LRP1B: variants seen among roughly 807,000 people sequenced by gnomAD.
LRP1B encodes the protein LDL receptor related protein 1B, also known as low-density lipoprotein receptor-related protein 1B.
LRP1B carries 217 observed loss-of-function variants against 556.6 expected under a neutral mutation model. The observed-to-expected ratio is 0.39, with a 90% CI of 0.35 to 0.44. The LOEUF is 0.44. Among genes scored for constraint, LRP1B ranks in the 20% least tolerant of loss-of-function variants. The pLI is 1.00. For synonymous variants in LRP1B, 2,047 were observed against 1,865.8 expected, an observed-to-expected ratio of 1.10 and a Z score of -2.50; for missense variants, 5,053 against 5,620.8, an observed-to-expected ratio of 0.90 and a Z score of 3.23.
chr2:140,336,437 C>G (rs1425788369), intron 77 of LRP1B, among the ~76,000 whole-genome samples: 1 of 149,640 alleles, frequency 6.7e-6, no homozygotes, highest in East Asian at 2.0e-4. Context: ...GGGTATTTAC[C>G]AAGGAATAGA....
chr2:140,638,736 T>C (rs192081894), intron 41 of LRP1B, among the ~76,000 whole-genome samples: 1 of 152,166 alleles, frequency 6.6e-6, no homozygotes, highest in East Asian at 1.9e-4. Flanking sequence ...AATGATTTTA[T>C]ATGTATTTGC....
At chr2:140,667,310 G>A (rs552301357) in intron 41 of LRP1B, among the ~76,000 whole-genome samples, 1 of 152,274 alleles carries the variant, frequency 6.6e-6, no homozygotes, top group African/African-American at 2.4e-5. Flanking sequence ...CCTTTGCCTT[G>A]ATACCACCCG....
chr2:141,816,849 A>G (rs1696571706), intron 1 of LRP1B, among the ~76,000 whole-genome samples: 2 of 152,052 alleles, frequency 1.3e-5, no homozygotes, highest in South Asian at 4.1e-4. Context: ...AGCCTATGTT[A>G]TCAGCTCGCT....
intron 66 of LRP1B, among the ~76,000 whole-genome samples, chr2:140,430,468 G>A (rs1685875634): frequency 1.3e-5 from 2 of 152,102 alleles, no homozygotes; most frequent in Admixed American, 6.5e-5. Flanking sequence ...CACTGCAAAG[G>A]CCATCAAAAG....
At chr2:140,936,064 G>T (rs1695195319) in intron 20 of LRP1B, among the ~76,000 whole-genome samples, 1 of 151,568 alleles carries the variant, frequency 6.6e-6, no homozygotes, top group Non-Finnish European at 1.5e-5. Flanking sequence ...ACTTGCCTGG[G>T]CATGGTGGCT....
intron 7 of LRP1B, among the ~76,000 whole-genome samples, chr2:141,184,117 C>A (rs1476349342): frequency 6.6e-6 from 1 of 152,022 alleles, no homozygotes; most frequent in Non-Finnish European, 1.5e-5. Context: ...GATATTGAAG[C>A]AGTGTCATGT....
intron 3 of LRP1B, among the ~76,000 whole-genome samples, chr2:141,293,625 C>CTTTTT (rs376533625): frequency 2.9e-5 from 4 of 137,306 alleles, no homozygotes; most frequent in African/African-American, 8.0e-5. Flanking sequence ...TCACTACATT[C>CTTTTT]TTTTTTTTTT....
intron 1 of LRP1B, among the ~76,000 whole-genome samples, chr2:142,066,194 C>T (rs548819138): frequency 2.0e-5 from 3 of 151,640 alleles, no homozygotes; most frequent in South Asian, 4.1e-4. Context: ...TTCTCTAGAC[C>T]ATGCTTTCCT....
chr2:141,546,713 T>C (rs1026584968), intron 2 of LRP1B, among the ~76,000 whole-genome samples: 20 of 152,204 alleles, frequency 1.3e-4, no homozygotes, highest in African/African-American at 4.6e-4. Context: ...CATTGAGGCC[T>C]GCAGCACAAA....
intron 11 of LRP1B, among the ~76,000 whole-genome samples, chr2:141,048,132 G>A (rs145807268): frequency 6.6e-6 from 1 of 152,174 alleles, no homozygotes; most frequent in Non-Finnish European, 1.5e-5. Context: ...TATAGCTATC[G>A]TGATGTCCTT....
At chr2:141,510,392 A>G (rs563520151) in intron 2 of LRP1B, among the ~76,000 whole-genome samples, 38 of 152,256 alleles carry the variant, frequency 2.5e-4, no homozygotes, top group Middle Eastern at 3.4e-3. Context: ...CCATTTGAGC[A>G]TTTATATCTT....
At chr2:141,740,187 A>T (rs978998184) in intron 2 of LRP1B, among the ~76,000 whole-genome samples, 1 of 152,112 alleles carries the variant, frequency 6.6e-6, no homozygotes, top group Non-Finnish European at 1.5e-5. Context: ...AAATTTTGTT[A>T]TATTTTTATT....
At chr2:140,572,615 C>T (rs531973335) in intron 43 of LRP1B, among the ~76,000 whole-genome samples, 39 of 151,734 alleles carry the variant, frequency 2.6e-4, no homozygotes, top group Middle Eastern at 3.4e-3. Context: ...ACCAGCAATC[C>T]TGCAACTGAG....
At chr2:140,441,470 G>A (rs984174365) in intron 66 of LRP1B, among the ~76,000 whole-genome samples, 3 of 152,100 alleles carry the variant, frequency 2.0e-5, no homozygotes, top group Admixed American at 6.6e-5. Flanking sequence ...AAGCTACACT[G>A]GTGGCATATT....
At chr2:140,962,677 C>T (rs1696072192) in intron 18 of LRP1B, among the ~76,000 whole-genome samples, 1 of 152,182 alleles carries the variant, frequency 6.6e-6, no homozygotes, top group South Asian at 2.1e-4. Flanking sequence ...TTCATCAAAG[C>T]AATGAGCAGC....
intron 32 of LRP1B, among the ~76,000 whole-genome samples, chr2:140,800,141 C>T (rs997453195): frequency 7.9e-5 from 12 of 152,066 alleles, no homozygotes; most frequent in Non-Finnish European, 1.6e-4. Context: ...AGCAAACTAT[C>T]GCAGGGACAA....
intron 2 of LRP1B, among the ~76,000 whole-genome samples, chr2:141,579,611 G>T (rs752740089): frequency 4.7e-5 from 7 of 150,128 alleles, no homozygotes; most frequent in Non-Finnish European, 1.0e-4. Context: ...AAATTTGAAT[G>T]TTGAATTCAA....
intron 61 of LRP1B, among the ~76,000 whole-genome samples, chr2:140,457,033 C>T (rs1025495918): frequency 1.3e-5 from 2 of 152,076 alleles, no homozygotes; most frequent in African/African-American, 4.8e-5. Context: ...CTTTATTTCA[C>T]AAGGCCAGAT....
intron 86 of LRP1B, among the ~76,000 whole-genome samples, chr2:140,259,019 G>A (rs1413249609): frequency 6.6e-6 from 1 of 152,072 alleles, no homozygotes; most frequent in African/African-American, 2.4e-5. Context: ...TGTTATCAGT[G>A]TTCCCCTACT....
Sources: allele counts gnomAD v4.1 joint callset (sites outside exome capture counted in the v4.1 genomes callset), GRCh38; gene constraint gnomAD v4.1.1; transcripts MANE v1.5; gene names NCBI Gene and HGNC (gene_info 2026-07-23, HGNC 2026-07-21).